EPS8: variants seen among roughly 807,000 people sequenced by gnomAD.
EPS8 encodes epidermal growth factor receptor kinase substrate 8.
EPS8 carries 42 observed loss-of-function variants against 103.8 expected under a neutral mutation model. The ratio of observed to expected loss-of-function variants is 0.40; its 90% CI spans 0.32 to 0.52. The LOEUF (loss-of-function observed/expected upper bound fraction) is 0.52, where lower values mean the gene tolerates loss of function less well. Ranked by LOEUF, EPS8 falls within the 20% of genes least tolerant of loss-of-function variation. The pLI is 0.40. For missense variants in EPS8, 969 were observed against 1,005.1 expected (o/e 0.96, Z 0.49); for synonymous variants, 344 against 344.6 (o/e 1.00, Z 0.02).
intron 3 of EPS8, among the ~76,000 whole-genome samples, chr12:15,680,794 T>C (rs572739319): frequency 6.6e-6 from 1 of 152,228 alleles, no homozygotes; most frequent in East Asian, 1.9e-4. Context: ...AGCATAATCA[T>C]TTTGCAGTGC....
intron 1 of EPS8, among the ~76,000 whole-genome samples, chr12:15,699,720 A>T (rs1946288228): frequency 6.6e-6 from 1 of 152,120 alleles, no homozygotes; most frequent in Non-Finnish European, 1.5e-5. Flanking sequence ...CCTACATATA[A>T]ACCCTCATTC....
In EPS8 at chr12:15,714,221, T is replaced by G. The variant is rs1222873157; in HGVS notation, c.-21-31249A>C. ...AGAAAATTGAGTGCTCAACTGATTT[T>G]TAATATGAAGACACCAAAAAAGTAT... is the stretch of plus-strand genomic sequence containing the variant. On this transcript the variant is annotated intron_variant, in intron 1 of 20. Coordinates refer to ENST00000281172, the MANE Select transcript of EPS8 (RefSeq NM_004447.6). This position sits in a 1 kb window ranked among gnomAD's most constrained non-coding sequence, Gnocchi z 4.1. Among the ~76,000 whole-genome samples the G allele has an allele frequency of 6.6e-6, 1 of 152,016 alleles. No individual in the cohort carries two copies. The highest frequency in any genetic ancestry group is 1.5e-5 in the Non-Finnish European group (1 of 68,016).
chr12:15,672,151 T>C (rs578147390), intron 3 of EPS8, among the ~76,000 whole-genome samples: 1 of 152,174 alleles, frequency 6.6e-6, no homozygotes, highest in Non-Finnish European at 1.5e-5. Flanking sequence ...ATAGATATTC[T>C]ATAATAGATA....
At chr12:15,667,238 C>A (rs966353530) in intron 6 of EPS8, among the ~76,000 whole-genome samples, 1 of 152,114 alleles carries the variant, frequency 6.6e-6, no homozygotes, top group African/African-American at 2.4e-5. Flanking sequence ...GTAATGTTTT[C>A]TCAAATATGT....
rs1026208631 is a variant in EPS8, at chr12:15,749,711, T to G, written c.-22+39450A>C. On this transcript the variant is annotated intron_variant, in intron 1 of 20. Coordinates refer to ENST00000281172, the MANE Select transcript of EPS8 (RefSeq NM_004447.6). The surrounding 1 kb of genome is among the most constrained non-coding windows in gnomAD (Gnocchi z 4.0). ...CATATTGTTCATAATATCTTCATATTGCATTGTTCATTAAAATCAAATATA... is the reference window on the plus strand; with the variant it reads ...CATATTGTTCATAATATCTTCATATGGCATTGTTCATTAAAATCAAATATA... Among the ~76,000 whole-genome samples, 2 of 152,182 alleles carry G rather than the reference T, an allele frequency of 1.3e-5. No homozygotes were observed. The highest frequency in any genetic ancestry group is 6.5e-5 in the Admixed American group (1 of 15,270).
At chr12:15,770,288 C>CAAAAAAA (rs367721789) in intron 1 of EPS8, among the ~76,000 whole-genome samples, 2 of 119,796 alleles carry the variant, frequency 1.7e-5, no homozygotes, top group South Asian at 2.9e-4. Flanking sequence ...GACCCTGTCT[C>CAAAAAAA]AAAAAAAAAA....
Position 15,640,797 on chromosome 12 carries a change from T to A in EPS8, c.1727A>T (p.Asp576Val), listed in dbSNP as rs774875176. 28 of 1,613,630 alleles carry A rather than the reference T, an allele frequency of 1.7e-5. No individual in the cohort carries two copies. In the South Asian group the frequency reaches 2.9e-4, roughly 16 times the overall value. ...QWWKVRNASG[D>V]SGFVPNNILD... Reference sequence around the variant, plus strand: ...AATGTTATTTGGCACAAATCCAGAGTCTCCACTTGCATTTCGAACTTTCCA... The same window carrying A: ...AATGTTATTTGGCACAAATCCAGAGACTCCACTTGCATTTCGAACTTTCCA... Residue 576 changes from aspartate to valine, a missense_variant, in exon 17 of 21, where the codon GAC becomes GTC. Transcript: ENST00000281172.
rs1375553316 is a variant in EPS8 at position 15,731,522 on chromosome 12, T to C, written c.-21-48550A>G. 6.6e-6 allele frequency among the ~76,000 whole-genome samples: 1 copy of C among 152,182 alleles called. No homozygotes were observed. Among genetic ancestry groups the C allele is most frequent in the Non-Finnish European group, 1.5e-5 (1 of 68,034 alleles). ...CGTGTAGGCCAGGCTGGTCTCGAAC[T>C]CCTGACTTCAGGTGATCCACCCACC... On this transcript the variant is annotated intron_variant, in intron 1 of 20. Coordinates refer to ENST00000281172, the MANE Select transcript of EPS8 (RefSeq NM_004447.6). The surrounding 1 kb of genome is among the most constrained non-coding windows in gnomAD (Gnocchi z 5.1).
At chr12:15,658,234 G>T (rs1242610779) in intron 11 of EPS8, 81 bp from the exon 12 acceptor site, 8 of 908,690 alleles carry the variant, frequency 8.8e-6, no homozygotes, top group Non-Finnish European at 1.4e-5. Context: ...ACACAGAGGG[G>T]ACGGTCTTTA....
At chr12:15,719,370 A>T (rs1263527911) in intron 1 of EPS8, among the ~76,000 whole-genome samples, 2 of 152,202 alleles carry the variant, frequency 1.3e-5, no homozygotes, top group Non-Finnish European at 2.9e-5. Context: ...GATATAGCTT[A>T]TGTCATCCTT....
intron 1 of EPS8, among the ~76,000 whole-genome samples, chr12:15,711,470 T>C (rs1023896445): frequency 3.3e-5 from 5 of 152,174 alleles, no homozygotes; most frequent in African/African-American, 1.2e-4. Flanking sequence ...GGAAACCTCT[T>C]TTATAACTCA....
Position 15,762,633 on chromosome 12 carries a change from G to C in EPS8, c.-22+26528C>G, listed in dbSNP as rs1447109109. On this transcript the variant is annotated intron_variant, in intron 1 of 20. Coordinates refer to ENST00000281172, the MANE Select transcript of EPS8 (RefSeq NM_004447.6). The surrounding 1 kb of genome is among the most constrained non-coding windows in gnomAD (Gnocchi z 4.8). ...AATCCTGTCATTTGCAACAATACAGGTGGAACTGGAAGTCATTACGTTAAG... is the reference window on the plus strand; with the variant it reads ...AATCCTGTCATTTGCAACAATACAGCTGGAACTGGAAGTCATTACGTTAAG... 6.6e-6 allele frequency among the ~76,000 whole-genome samples: 1 copy of C among 152,136 alleles called. No individual in the cohort carries two copies. Among genetic ancestry groups the C allele is most frequent in the African/African-American group, 2.4e-5 (1 of 41,426 alleles).
In EPS8 at chr12:15,649,701, A is replaced by T. The variant is rs138065656; in HGVS notation, c.1434+1122T>A. ...TTTAAAGTTTCAGGAATTCAACCAA[A>T]CTTCTATAATATTATTTTTATTGTC... On this transcript the variant is annotated intron_variant, in intron 14 of 20. Transcript: ENST00000281172. Among the ~76,000 whole-genome samples, 381 of 152,276 alleles carry T rather than the reference A, an allele frequency of 2.5e-3. 2 individuals carry two copies. Among genetic ancestry groups the T allele is most frequent in the African/African-American group, 8.3e-3 (346 of 41,552 alleles).
At chr12:15,664,752 C>G (rs2135829705) in intron 8 of EPS8, among the ~76,000 whole-genome samples, 1 of 152,320 alleles carries the variant, frequency 6.6e-6, no homozygotes. Flanking sequence ...AGAAGTTCCA[C>G]TGGAGTAGCG....
rs373704455 is a variant in EPS8 at position 15,654,174 on chromosome 12, C to T, written c.1221G>A (p.Met407Ile). 1.4e-5 allele frequency: 23 copies of T among 1,613,730 alleles called. No homozygotes were observed. In the African/African-American group the frequency reaches 3.1e-4, roughly 22 times the overall value. The change falls in exon 13 of 21, where the codon ATG becomes ATA. Residue 407 changes from methionine (M) to isoleucine (I), a missense_variant. Met to Ile is a conservative substitution (Grantham distance 10, BLOSUM62 1). Coordinates refer to ENST00000281172, the MANE Select transcript of EPS8 (RefSeq NM_004447.6). ...CTTTCATCCAAGTTCCTCCCAATGA[C>T]ATCCACAGCTGCCGTTCATCACCAT... ...TVNGDERQLW[M>I]SLGGTWMKAR... is the part of the protein sequence containing the mutation.
intron 17 of EPS8, among the ~76,000 whole-genome samples, chr12:15,634,208 C>T (rs899402818): frequency 6.6e-6 from 1 of 152,208 alleles, no homozygotes; most frequent in Non-Finnish European, 1.5e-5. Flanking sequence ...TCAGACTCCC[C>T]AGCTGGGAAC....
intron 14 of EPS8, among the ~76,000 whole-genome samples, chr12:15,648,959 G>A (rs903194374): frequency 2.6e-5 from 4 of 152,154 alleles, no homozygotes; most frequent in African/African-American, 9.7e-5. Flanking sequence ...TAGCAATAAA[G>A]TATAATAAAG....
In EPS8 at chr12:15,706,330, G is replaced by A. The variant is rs1428750951; in HGVS notation, c.-21-23358C>T. On this transcript the variant is annotated intron_variant, in intron 1 of 20. Coordinates refer to ENST00000281172, the MANE Select transcript of EPS8 (RefSeq NM_004447.6). This position sits in a 1 kb window ranked among gnomAD's most constrained non-coding sequence, Gnocchi z 5.2. ...TTCAAAAGGCAAGGCGGGAAGCACT[G>A]CAGCATTGACAATGCCAAGTTCTTC... Among the ~76,000 whole-genome samples the A allele has an allele frequency of 6.6e-6, 1 of 152,198 alleles. No individual in the cohort carries two copies. Among genetic ancestry groups the A allele is most frequent in the Non-Finnish European group, 1.5e-5 (1 of 68,024 alleles).
At chr12:15,680,455 A>G (rs966741471) in intron 3 of EPS8, among the ~76,000 whole-genome samples, 3 of 152,190 alleles carry the variant, frequency 2.0e-5, no homozygotes, top group Non-Finnish European at 4.4e-5. Context: ...AGATACCCCC[A>G]TTACACAGAT....
Sources: gnomAD v4.1 joint callset for allele counts (sites outside exome capture counted in the v4.1 genomes callset) on GRCh38, gnomAD v4.1.1 for gene constraint, Gnocchi (gnomAD v3.1) non-coding constraint, MANE v1.5 for transcripts, NCBI Gene and HGNC (gene_info 2026-07-23, HGNC 2026-07-21) for gene names.